SULF1: variants seen among roughly 807,000 people sequenced by gnomAD.
SULF1 encodes extracellular sulfatase Sulf-1.
Under a neutral mutation model 110.5 loss-of-function variants are expected in SULF1, and 46 were observed. The ratio of observed to expected loss-of-function variants is 0.42; its 90% confidence interval spans 0.33 to 0.53. The LOEUF is 0.53. Ranked by LOEUF, SULF1 falls within the 20% of genes least tolerant of loss-of-function variation. SULF1 has a pLI of 0.12. For synonymous variants in SULF1, 371 were observed against 387.1 expected, an observed-to-expected ratio of 0.96 and a Z score of 0.49; for missense variants, 941 against 1,094.2, an observed-to-expected ratio of 0.86 and a Z score of 1.98.
chr8:69,575,997 G>A lies in SULF1; in HGVS notation c.200G>A (p.Arg67Lys). Residue 67 changes from arginine to lysine, a missense_variant, in exon 6 of 23, where the codon AGA becomes AAA. Around this residue, in one of 3 missense-constraint regions of SULF1, gnomAD observed 822 missense variants for 934.3 expected, o/e 0.88. Coordinates refer to ENST00000402687, the MANE Select transcript of SULF1 (RefSeq NM_001128205.2). ...TCCCTGCAAGTCATGAACAAAACGA[G>A]AAAGATTATGGAACATGGGGGGGCC... ...LGSLQVMNKTRKIMEHGGATF... is the reference protein window; with the variant it reads ...LGSLQVMNKTKKIMEHGGATF... 3 of 1,614,032 alleles carry A rather than the reference G, an allele frequency of 1.9e-6. No individual in the cohort carries two copies. Among genetic ancestry groups the A allele is most frequent in the Non-Finnish European group, 2.5e-6 (3 of 1,179,950 alleles).
intron 8 of SULF1, among the ~76,000 whole-genome samples, chr8:69,596,212 G>C (rs904038175): frequency 2.0e-5 from 3 of 152,142 alleles, no homozygotes; most frequent in Non-Finnish European, 4.4e-5. Context: ...TGTTTTCTTG[G>C]GGGTATAAGG....
chr8:69,471,615 G>A (rs2704029), intron 1 of SULF1, among the ~76,000 whole-genome samples: 40,968 of 152,042 alleles, frequency 0.27, 5,684 homozygotes, highest in Non-Finnish European at 0.29. Flanking sequence ...GAGAGTACAG[G>A]CTCTGGGTTC....
intron 3 of SULF1, among the ~76,000 whole-genome samples, chr8:69,526,610 AAAAAGAAAG>A (rs1431291008): frequency 7.3e-6 from 1 of 136,080 alleles, no homozygotes; most frequent in Admixed American, 7.0e-5. Context: ...AAAAAAAAAA[AAAAAGAAAG>A]AAAGAAAGAA....
At chr8:69,593,531 G>C (rs1367434607) in intron 8 of SULF1, among the ~76,000 whole-genome samples, 1 of 152,136 alleles carries the variant, frequency 6.6e-6, no homozygotes, top group East Asian at 1.9e-4. Flanking sequence ...CTCAGACTGG[G>C]GTGAATGTAT....
At chr8:69,582,856 T>A (rs893927347) in intron 6 of SULF1, among the ~76,000 whole-genome samples, 2 of 152,198 alleles carry the variant, frequency 1.3e-5, no homozygotes, top group African/African-American at 2.4e-5. Flanking sequence ...CTCCAAGTCA[T>A]ACTGCATTTT....
At chr8:69,568,693 A>G (rs913617243) in intron 5 of SULF1, among the ~76,000 whole-genome samples, 4 of 152,182 alleles carry the variant, frequency 2.6e-5, no homozygotes, top group African/African-American at 9.6e-5. Flanking sequence ...CGTTGTGCCT[A>G]TACCCGTAAG....
intron 13 of SULF1, among the ~76,000 whole-genome samples, chr8:69,613,709 A>AT (rs1808851565): frequency 6.6e-6 from 1 of 152,208 alleles, no homozygotes; most frequent in African/African-American, 2.4e-5. Flanking sequence ...TCACTAAATA[A>AT]TAATTATTTT....
chr8:69,600,722 C>T lies in SULF1; in HGVS notation c.854C>T (p.Thr285Ile). 6.2e-7 allele frequency: 1 copy of T among 1,613,988 alleles called. No individual in the cohort carries two copies. Residue 285 changes from threonine to isoleucine, a missense_variant, in exon 9 of 23, where the codon ACT becomes ATT. Thr to Ile is a moderately conservative substitution (Grantham distance 89). This residue lies in a region of SULF1 where 822 missense variants were observed against 934.3 expected (regional missense o/e 0.88). Coordinates refer to ENST00000402687, the MANE Select transcript of SULF1 (RefSeq NM_001128205.2). ...TNILQRKRLQ[T>I]LMSVDDSVER... ...ATTCTACAGCGCAAAAGGCTCCAGA[C>T]TTTGATGTCAGTGGATGATTCTGTG...
intron 3 of SULF1, among the ~76,000 whole-genome samples, chr8:69,544,362 G>A (rs1016430694): frequency 2.6e-5 from 4 of 151,572 alleles, no homozygotes; most frequent in East Asian, 1.9e-4. Context: ...TCTACCTCCC[G>A]GGTTCAGGCG....
chr8:69,516,316 G>C (rs1215852753), intron 3 of SULF1, among the ~76,000 whole-genome samples: 1 of 152,134 alleles, frequency 6.6e-6, no homozygotes, highest in Non-Finnish European at 1.5e-5. Flanking sequence ...GAAGGTGAAG[G>C]GGAAGCTGGC....
At chr8:69,643,073 C>T (rs188540795) in intron 22 of SULF1, among the ~76,000 whole-genome samples, 5 of 152,296 alleles carry the variant, frequency 3.3e-5, no homozygotes, top group East Asian at 3.9e-4. Flanking sequence ...AAATAACCGG[C>T]ATTTTCAGAC....
chr8:69,590,857 T>A (rs933032792), intron 8 of SULF1, among the ~76,000 whole-genome samples: 1 of 152,222 alleles, frequency 6.6e-6, no homozygotes, highest in African/African-American at 2.4e-5. Flanking sequence ...GGCTCTCCAT[T>A]ATAGCTCACT....
At chr8:69,625,785 G>A (rs1219562560) in intron 15 of SULF1, among the ~76,000 whole-genome samples, 1 of 152,132 alleles carries the variant, frequency 6.6e-6, no homozygotes, top group Non-Finnish European at 1.5e-5. Flanking sequence ...GTGTGGAAGG[G>A]GACCCAGGCA....
chr8:69,612,721 T>C (rs984284213), intron 13 of SULF1, among the ~76,000 whole-genome samples: 4 of 152,220 alleles, frequency 2.6e-5, no homozygotes, highest in African/African-American at 9.6e-5. Context: ...CTTGCTGATT[T>C]GGTTGAGTTC....
intron 1 of SULF1, among the ~76,000 whole-genome samples, chr8:69,478,810 G>C (rs1398519825): frequency 1.3e-5 from 2 of 152,110 alleles, no homozygotes; most frequent in Non-Finnish European, 2.9e-5. Flanking sequence ...GACAAGTTGA[G>C]TTTTGAGCCT....
rs180843661 is a variant in SULF1 at position 69,598,604 on chromosome 8, C to T, written c.735-1999C>T. Among the ~76,000 whole-genome samples, 910 of 152,224 alleles carry T rather than the reference C, an allele frequency of 6.0e-3. 8 individuals are homozygous for T. Among genetic ancestry groups the T allele is most frequent in the African/African-American group, 0.021 (862 of 41,510 alleles). On this transcript the variant is annotated intron_variant, in intron 8 of 22. Transcript: ENST00000402687. ...ACGGGGTTTCCCCATGTTGGCCAGG[C>T]TGGTCTCGAACTCCTGACCTCAGGT... is the stretch of plus-strand genomic sequence containing the variant.
At chr8:69,640,958 G>A in intron 22 of SULF1, 117 bp downstream of exon 22, 1 of 878,786 alleles carries the variant, frequency 1.1e-6, no homozygotes, top group Non-Finnish European at 1.7e-6. Context: ...GGGGGTGCAT[G>A]CTTGTTCTAA....
At chr8:69,533,816 C>T (rs1813262557) in intron 3 of SULF1, among the ~76,000 whole-genome samples, 1 of 152,130 alleles carries the variant, frequency 6.6e-6, no homozygotes, top group African/African-American at 2.4e-5. Context: ...TTCTAGAACT[C>T]TGAGGAATCA....
At chr8:69,474,694 T>C (rs1325298084) in intron 1 of SULF1, among the ~76,000 whole-genome samples, 1 of 152,238 alleles carries the variant, frequency 6.6e-6, no homozygotes, top group Non-Finnish European at 1.5e-5. Flanking sequence ...CACATTCTTT[T>C]TCATATGTGA....
Sources: gnomAD v4.1 joint callset for allele counts (sites outside exome capture counted in the v4.1 genomes callset) on GRCh38, gnomAD v4.1.1 for gene constraint, gnomAD v4.1.1 regional missense constraint, MANE v1.5 for transcripts, NCBI Gene and HGNC (gene_info 2026-07-23, HGNC 2026-07-21) for gene names.